The following PLCB4 variants were observed in gnomAD, a reference collection of about 807,000 sequenced individuals.
The protein encoded by PLCB4 is phospholipase C beta 4, also known as 1-phosphatidylinositol 4,5-bisphosphate phosphodiesterase beta-4.
In PLCB4, 77 loss-of-function variants were observed where a neutral mutation model predicts 178.8. That is an observed-to-expected ratio of 0.43 (90% confidence interval 0.36 to 0.52). The LOEUF (loss-of-function observed/expected upper bound fraction) is 0.52, where lower values mean the gene tolerates loss of function less well. PLCB4 is among the 20% of genes least tolerant of loss of function. PLCB4 has a pLI of 0.00. For missense variants in PLCB4, 1,024 were observed against 1,453.4 expected (o/e 0.70, Z 4.80); for synonymous variants, 496 against 490.8 (o/e 1.01, Z -0.14).
At chr20:9,193,169 C>G (rs1367857180) in intron 2 of PLCB4, among the ~76,000 whole-genome samples, 2 of 152,154 alleles carry the variant, frequency 1.3e-5, no homozygotes, top group African/African-American at 4.8e-5. Flanking sequence ...CCTTGTGAAG[C>G]AGACGCCATG....
intron 3 of PLCB4, among the ~76,000 whole-genome samples, chr20:9,293,775 C>T (rs188934464): frequency 1.3e-5 from 2 of 152,176 alleles, no homozygotes; most frequent in Admixed American, 6.5e-5. Flanking sequence ...GTGAGTTCTT[C>T]AAAGGGGGAA....
At chr20:9,476,821 G>T in intron 39 of PLCB4, 68 bp downstream of exon 39, 1 of 1,063,268 alleles carries the variant, frequency 9.4e-7, no homozygotes, top group Non-Finnish European at 1.5e-6. Context: ...TCTCTGTGCA[G>T]TCTCCATTTA....
At chr20:9,212,777 T>G (rs2093686520) in intron 2 of PLCB4, among the ~76,000 whole-genome samples, 1 of 152,180 alleles carries the variant, frequency 6.6e-6, no homozygotes, top group Admixed American at 6.5e-5. Context: ...AGAATGTGAG[T>G]GTTTTCTCAT....
Position 9,479,191 on chromosome 20 carries a change from A to T in PLCB4, c.*182A>T. 1.7e-6 allele frequency: 1 copy of T among 581,878 alleles called. No homozygotes were observed. The highest frequency in any genetic ancestry group is 3.1e-6 in the Non-Finnish European group (1 of 325,030). 36.0% of individuals were successfully genotyped at this position (581,878 alleles called of 1,614,324 possible). ...CTTGAGTATTGCATTTCCTTGGCCA[A>T]ACAAAAATAGCTACAAATCCACAAA... On this transcript the variant is annotated 3_prime_UTR_variant, in exon 40 of 40. Coordinates refer to ENST00000378473, the MANE Select transcript of PLCB4 (RefSeq NM_001377142.1).
intron 1 of PLCB4, among the ~76,000 whole-genome samples, chr20:9,081,144 G>A (rs1182022903): frequency 3.3e-5 from 5 of 152,294 alleles, no homozygotes; most frequent in Non-Finnish European, 7.3e-5. Context: ...CTTGCTCTCA[G>A]GAGTTTACAG....
chr20:9,215,190 G>A (rs569376197), intron 2 of PLCB4, among the ~76,000 whole-genome samples: 7 of 152,268 alleles, frequency 4.6e-5, no homozygotes, highest in African/African-American at 7.2e-5. Context: ...TGTGCCAGGC[G>A]TTATGGTAGG....
intron 2 of PLCB4, among the ~76,000 whole-genome samples, chr20:9,207,957 GTA>G (rs1175084149): frequency 1.3e-5 from 2 of 152,116 alleles, no homozygotes; most frequent in Non-Finnish European, 2.9e-5. Flanking sequence ...GCAGCTGCTG[GTA>G]TATAGGGTAT....
At chr20:9,468,355 T>G (rs2043947504) in intron 35 of PLCB4, among the ~76,000 whole-genome samples, 1 of 152,212 alleles carries the variant, frequency 6.6e-6, no homozygotes, top group African/African-American at 2.4e-5. Flanking sequence ...TATTTTTGTT[T>G]TTTTCCATGC....
At chr20:9,255,626 A>C (rs2094226422) in intron 3 of PLCB4, among the ~76,000 whole-genome samples, 1 of 152,046 alleles carries the variant, frequency 6.6e-6, no homozygotes, top group African/African-American at 2.4e-5. Context: ...CTTAGAGTGA[A>C]TAGCCATAGA....
At chr20:9,436,625 A>G (rs1475650831) in intron 29 of PLCB4, among the ~76,000 whole-genome samples, 3 of 152,216 alleles carry the variant, frequency 2.0e-5, no homozygotes, top group Non-Finnish European at 4.4e-5. Flanking sequence ...AAGCATTGAA[A>G]TTACTGGCGT....
chr20:9,306,355 C>G (rs1601736248), intron 3 of PLCB4, among the ~76,000 whole-genome samples: 1 of 151,640 alleles, frequency 6.6e-6, no homozygotes, highest in Non-Finnish European at 1.5e-5. Flanking sequence ...GATCCACCCC[C>G]TCCCCCCACC....
intron 2 of PLCB4, among the ~76,000 whole-genome samples, chr20:9,154,368 G>A (rs970274809): frequency 2.6e-5 from 4 of 152,160 alleles, no homozygotes; most frequent in African/African-American, 9.6e-5. Flanking sequence ...ATGATGGAGA[G>A]GAGAATGACT....
rs567467097 is a variant in PLCB4 at position 9,105,894 on chromosome 20, GT to G, written c.-79+9553del. 2.2e-4 allele frequency among the ~76,000 whole-genome samples: 34 copies of G among 152,182 alleles called. No individual in the cohort carries two copies. The South Asian group carries it at 6.8e-3, about 31-fold the overall frequency. The stretch of plus-strand genomic sequence containing the variant: ...AAATATTTTTACAATTTATGTGTAT[GT>G]GGGGAAGTCATCTCTAACTAGAAAC... On this transcript the variant is annotated intron_variant, in intron 2 of 39. Transcript: ENST00000378473.
At chr20:9,306,618 C>T (rs1242661063) in intron 3 of PLCB4, among the ~76,000 whole-genome samples, 1 of 152,186 alleles carries the variant, frequency 6.6e-6, no homozygotes, top group African/African-American at 2.4e-5. Context: ...TTTTCCTGCT[C>T]ACCCTCTTTC....
intron 3 of PLCB4, among the ~76,000 whole-genome samples, chr20:9,287,538 A>G (rs939171958): frequency 1.3e-5 from 2 of 151,982 alleles, no homozygotes; most frequent in African/African-American, 4.8e-5. Flanking sequence ...TCTTGATTTT[A>G]TTTTTATGAG....
intron 3 of PLCB4, among the ~76,000 whole-genome samples, chr20:9,229,210 C>A (rs1227473995): frequency 2.6e-5 from 4 of 152,164 alleles, no homozygotes; most frequent in Non-Finnish European, 4.4e-5. Flanking sequence ...AGTCTCCTGT[C>A]TGATTCATCC....
chr20:9,091,815 C>A (rs2224359), intron 1 of PLCB4, among the ~76,000 whole-genome samples: 125,771 of 151,950 alleles, frequency 0.83, 52,254 homozygotes, highest in East Asian at 1. Flanking sequence ...AGAAGTGATG[C>A]TTACAGATTT....
chr20:9,095,291 G>A (rs908978331), intron 1 of PLCB4, among the ~76,000 whole-genome samples: 1 of 152,180 alleles, frequency 6.6e-6, no homozygotes, highest in Non-Finnish European at 1.5e-5. Context: ...TCTGGACTGT[G>A]GTCTCCTTGA....
chr20:9,405,433 A>G (rs2039365866), intron 21 of PLCB4, 85 bp downstream of exon 21: 1 of 780,296 alleles, frequency 1.3e-6, no homozygotes, highest in South Asian at 1.8e-5. Flanking sequence ...TTGTGGTGAA[A>G]AAATGATTAA....
Sources: allele counts gnomAD v4.1 joint callset (sites outside exome capture counted in the v4.1 genomes callset), GRCh38; gene constraint gnomAD v4.1.1; transcripts MANE v1.5; gene names NCBI Gene and HGNC (gene_info 2026-07-23, HGNC 2026-07-21).